Variants in ATRNL1 observed in about 807,000 individuals in gnomAD.
ATRNL1 encodes attractin-like protein 1.
Under a neutral mutation model 182.7 loss-of-function variants are expected in ATRNL1, and 95 were observed. The observed-to-expected ratio is 0.52, with a 90% CI of 0.44 to 0.62. The LOEUF (loss-of-function observed/expected upper bound fraction) is 0.62. Ranked by LOEUF, ATRNL1 falls within the 20% of genes least tolerant of loss-of-function variation. The probability of loss-of-function intolerance (pLI) is 0.00; values close to 1 mark genes in which losing one functional copy is unlikely to be tolerated. For synonymous variants in ATRNL1, 576 were observed against 568.3 expected, an observed-to-expected ratio of 1.01 and a Z score of -0.19; for missense variants, 1,471 against 1,679.5, an observed-to-expected ratio of 0.88 and a Z score of 2.17.
At chr10:115,644,082 T>C (rs1162310282) in intron 26 of ATRNL1, among the ~76,000 whole-genome samples, 2 of 152,192 alleles carry the variant, frequency 1.3e-5, no homozygotes, top group African/African-American at 4.8e-5. Flanking sequence ...ACCTGGTGAA[T>C]ATATAAACAA....
chr10:115,558,353 A>G (rs782584776), intron 26 of ATRNL1, among the ~76,000 whole-genome samples: 4 of 152,088 alleles, frequency 2.6e-5, no homozygotes, highest in Admixed American at 1.3e-4. Context: ...TAAGTACCCA[A>G]TTTGAGGTTC....
At chr10:115,685,205 G>A (rs1310436683) in intron 26 of ATRNL1, among the ~76,000 whole-genome samples, 1 of 151,728 alleles carries the variant, frequency 6.6e-6, no homozygotes, top group East Asian at 1.9e-4. Context: ...ACATAGTGAT[G>A]TTTGAGATTT....
At chr10:115,281,304 G>C in intron 13 of ATRNL1, 51 bp from the exon 14 acceptor site, 1 of 1,518,178 alleles carries the variant, frequency 6.6e-7, no homozygotes, top group Non-Finnish European at 8.9e-7. Context: ...TGAAGTTTAA[G>C]AATCATTGCT....
At chr10:115,600,955 A>G (rs79130693) in intron 26 of ATRNL1, among the ~76,000 whole-genome samples, 3 of 134,436 alleles carry the variant, frequency 2.2e-5, no homozygotes, top group South Asian at 4.7e-4. Flanking sequence ...TTTGCCCTGT[A>G]TGGATGTCCA....
chr10:115,347,091 A>G (rs1805389047), intron 19 of ATRNL1, among the ~76,000 whole-genome samples: 1 of 152,134 alleles, frequency 6.6e-6, no homozygotes. Context: ...TTCCCCTTTA[A>G]GGATAATACT....
chr10:115,102,063 T>G (rs1554864699), intron 1 of ATRNL1, among the ~76,000 whole-genome samples: 1 of 152,236 alleles, frequency 6.6e-6, no homozygotes, highest in Non-Finnish European at 1.5e-5. Flanking sequence ...ACAACCATTC[T>G]GATTTTCTGT....
intron 2 of ATRNL1, among the ~76,000 whole-genome samples, chr10:115,121,106 A>T (rs1290990915): frequency 6.6e-6 from 1 of 151,664 alleles, no homozygotes; most frequent in Admixed American, 6.6e-5. Context: ...TCTGCCTTCA[A>T]TCAAGAGAAA....
In ATRNL1 at chr10:115,939,760, C is replaced by T. The variant is rs547762938; in HGVS notation, c.4019-4898C>T. Among the ~76,000 whole-genome samples, 163 of 152,190 alleles carry T rather than the reference C, an allele frequency of 1.1e-3. 1 individual carries two copies. Among genetic ancestry groups the T allele is most frequent in the African/African-American group, 3.6e-3 (149 of 41,516 alleles). ...CCTGATTTTAATGGAACTCTAGCGG[C>T]GTGCAGCATGGGCCCAGCATCCAAC... On this transcript the variant is annotated intron_variant, in intron 28 of 28. Transcript: ENST00000355044.
intron 23 of ATRNL1, among the ~76,000 whole-genome samples, chr10:115,468,766 A>G (rs1435488200): frequency 2.7e-5 from 4 of 150,768 alleles, no homozygotes; most frequent in African/African-American, 9.7e-5. Context: ...TGGCATTGTA[A>G]ACAGAATGAG....
chr10:115,545,234 C>CAAAAAAAAAAAAAAAAAAAAAAAAAAA (rs71010026), intron 25 of ATRNL1, among the ~76,000 whole-genome samples: 1 of 94,860 alleles, frequency 1.1e-5, no homozygotes, highest in Non-Finnish European at 2.0e-5. Context: ...GACTCCGTAT[C>CAAAAAAAAAAAAAAAAAAAAAAAAAAA]AAAAAAAAAA....
intron 10 of ATRNL1, among the ~76,000 whole-genome samples, chr10:115,261,176 G>C (rs1321152222): frequency 6.6e-6 from 1 of 152,140 alleles, no homozygotes; most frequent in Non-Finnish European, 1.5e-5. Context: ...GAAGCCAGAA[G>C]AGTGGACTAA....
chr10:115,780,584 A>T (rs1434017125), intron 27 of ATRNL1, among the ~76,000 whole-genome samples: 1 of 152,170 alleles, frequency 6.6e-6, no homozygotes, highest in South Asian at 2.1e-4. Context: ...GGAAGAGTAA[A>T]GAGGACTTTG....
At chr10:115,939,189 G>A (rs1555123586) in intron 28 of ATRNL1, among the ~76,000 whole-genome samples, 1 of 152,190 alleles carries the variant, frequency 6.6e-6, no homozygotes, top group Non-Finnish European at 1.5e-5. Flanking sequence ...TTGGCCTCCA[G>A]CCCAGGGACC....
intron 26 of ATRNL1, among the ~76,000 whole-genome samples, chr10:115,620,036 C>A (rs571285783): frequency 9.1e-4 from 138 of 152,242 alleles, no homozygotes; most frequent in African/African-American, 3.1e-3. Context: ...TAAAGGAATA[C>A]CTAAGGCTGG....
intron 26 of ATRNL1, among the ~76,000 whole-genome samples, chr10:115,557,754 A>G (rs1196731055): frequency 1.3e-5 from 2 of 152,166 alleles, no homozygotes; most frequent in Non-Finnish European, 2.9e-5. Flanking sequence ...ATCTTTAAAA[A>G]ACAAACAACC....
chr10:115,417,813 C>A (rs1845465889), intron 20 of ATRNL1, among the ~76,000 whole-genome samples: 1 of 152,158 alleles, frequency 6.6e-6, no homozygotes, highest in South Asian at 2.1e-4. Context: ...AACCTTGGAG[C>A]CCTCCTGAGA....
At chr10:115,319,515 GTC>G (rs2134025690) in intron 18 of ATRNL1, among the ~76,000 whole-genome samples, 1 of 152,288 alleles carries the variant, frequency 6.6e-6, no homozygotes, top group South Asian at 2.1e-4. Context: ...TTGTGTGGGA[GTC>G]TAAGTCTCTT....
chr10:115,262,396 T>C (rs1035850665), intron 10 of ATRNL1, among the ~76,000 whole-genome samples: 3 of 151,922 alleles, frequency 2.0e-5, no homozygotes, highest in African/African-American at 7.2e-5. Flanking sequence ...AAAATTAAGT[T>C]TGATGCTTAC....
At chr10:115,837,509 CACACACACACACACACA>C (rs1565423925) in intron 27 of ATRNL1, among the ~76,000 whole-genome samples, 3 of 129,694 alleles carry the variant, frequency 2.3e-5, no homozygotes, top group Admixed American at 7.5e-5. Flanking sequence ...CACACACACA[CACACACACACACACACA>C]CCAGAACACC....
Sources: allele counts gnomAD v4.1 joint callset (sites outside exome capture counted in the v4.1 genomes callset), GRCh38; gene constraint gnomAD v4.1.1; transcripts MANE v1.5; gene names NCBI Gene and HGNC (gene_info 2026-07-23, HGNC 2026-07-21).